HECW2: variants seen among roughly 807,000 people sequenced by gnomAD.
HECW2 encodes the protein HECT, C2 and WW domain containing E3 ubiquitin protein ligase 2.
Under a neutral mutation model 175.2 loss-of-function variants are expected in HECW2, and 61 were observed. That is an observed-to-expected ratio of 0.35 (90% CI 0.28 to 0.43). The LOEUF (loss-of-function observed/expected upper bound fraction) is 0.43, where lower values mean the gene tolerates loss of function less well. Among genes scored for constraint, HECW2 ranks in the 20% least tolerant of loss-of-function variants. The pLI is 1.00. For synonymous variants in HECW2, 671 were observed against 731.0 expected, an observed-to-expected ratio of 0.92 and a Z score of 1.32; for missense variants, 1,524 against 2,000.5, an observed-to-expected ratio of 0.76 and a Z score of 4.54.
At chr2:196,340,239 GA>G (rs1692697984) in intron 3 of HECW2, among the ~76,000 whole-genome samples, 1 of 152,118 alleles carries the variant, frequency 6.6e-6, no homozygotes, top group Non-Finnish European at 1.5e-5. Context: ...ATCAGCTCCA[GA>G]GATTCAACCA....
At chr2:196,431,060 T>C (rs538160268) in intron 2 of HECW2, among the ~76,000 whole-genome samples, 1 of 152,102 alleles carries the variant, frequency 6.6e-6, no homozygotes, top group Non-Finnish European at 1.5e-5. Context: ...AAAAGACATG[T>C]AACATACAGG....
chr2:196,537,003 A>C (rs1430777181), intron 1 of HECW2, among the ~76,000 whole-genome samples: 1 of 152,212 alleles, frequency 6.6e-6, no homozygotes, highest in Admixed American at 6.5e-5. Flanking sequence ...ATTAGTAAAA[A>C]GAAAGCAGGG....
intron 4 of HECW2, 69 bp from the exon 5 acceptor site, chr2:196,329,719 A>G: frequency 8.0e-7 from 1 of 1,244,478 alleles, no homozygotes. Flanking sequence ...CTAGGAAACC[A>G]TGTATGTTCC....
chr2:196,379,661 G>T lies in HECW2; in HGVS notation c.293-35897C>A, dbSNP rs1284775881. Among the ~76,000 whole-genome samples the T allele has an allele frequency of 6.8e-4, 97 of 143,666 alleles. 1 individual carries two copies. The Admixed American group carries it at 6.9e-3, about 10-fold the overall frequency. The allele number at this position is 143,666 out of a possible 152,430, so 94.3% of individuals were successfully genotyped here. ...GATCACACCACTGCACTCCAGCCTG[G>T]GCGACAGAGCAATACTCCGTCTCAA... On this transcript the variant is annotated intron_variant, in intron 2 of 28. Coordinates refer to ENST00000644978, the MANE Select transcript of HECW2 (RefSeq NM_001348768.2).
chr2:196,260,475 G>T (rs1689245241), intron 17 of HECW2: 1 of 152,214 alleles, frequency 6.6e-6, no homozygotes, highest in Non-Finnish European at 1.5e-5. Flanking sequence ...AATCCAATGG[G>T]GAGTAAGAGA....
At chr2:196,422,144 A>G (rs906939882) in intron 2 of HECW2, among the ~76,000 whole-genome samples, 7 of 152,156 alleles carry the variant, frequency 4.6e-5, no homozygotes, top group Non-Finnish European at 1.0e-4. Flanking sequence ...CCAAAGTATG[A>G]GACTTTCTAA....
chr2:196,587,959 G>C (rs1334010499), intron 1 of HECW2, among the ~76,000 whole-genome samples: 1 of 151,998 alleles, frequency 6.6e-6, no homozygotes, highest in Non-Finnish European at 1.5e-5. Flanking sequence ...TCTTTTCTCA[G>C]GGCCTTTGCA....
intron 18 of HECW2, 150 bp from the exon 19 acceptor site, chr2:196,254,179 C>A: frequency 5.4e-6 from 7 of 1,305,790 alleles, no homozygotes; most frequent in African/African-American, 1.5e-5. Context: ...ATTCTTGGTA[C>A]AAAATGGCTG....
chr2:196,418,517 A>G (rs1328393577), intron 2 of HECW2, among the ~76,000 whole-genome samples: 1 of 152,206 alleles, frequency 6.6e-6, no homozygotes, highest in Non-Finnish European at 1.5e-5. Context: ...ATACTGGTAC[A>G]TATTTCAGAG....
At chr2:196,240,885 C>T (rs1456304941) in intron 20 of HECW2, among the ~76,000 whole-genome samples, 1 of 151,972 alleles carries the variant, frequency 6.6e-6, no homozygotes, top group Non-Finnish European at 1.5e-5. Flanking sequence ...ACACACACCG[C>T]CCCCCGCCCA....
chr2:196,272,074 A>C (rs897793153), intron 16 of HECW2, among the ~76,000 whole-genome samples: 4 of 152,206 alleles, frequency 2.6e-5, no homozygotes, highest in African/African-American at 9.6e-5. Context: ...CCATCTTCTG[A>C]TTGATTAGCA....
At chr2:196,262,725 C>T (rs1184538204) in intron 17 of HECW2, among the ~76,000 whole-genome samples, 4 of 152,082 alleles carry the variant, frequency 2.6e-5, no homozygotes, top group Non-Finnish European at 5.9e-5. Context: ...GCCACCATGT[C>T]TGGCTAATTT....
At chr2:196,542,892 A>G (rs1329168121) in intron 1 of HECW2, among the ~76,000 whole-genome samples, 1 of 148,410 alleles carries the variant, frequency 6.7e-6, no homozygotes, top group Admixed American at 6.8e-5. Flanking sequence ...ATATATAGGT[A>G]TATCTAATAT....
chr2:196,520,523 A>G (rs1688324327), intron 1 of HECW2, among the ~76,000 whole-genome samples: 1 of 152,220 alleles, frequency 6.6e-6, no homozygotes, highest in Admixed American at 6.5e-5. Flanking sequence ...GACAGGTTGC[A>G]TATTTGTTTT....
At chr2:196,316,185 G>C (rs1465664136) in intron 10 of HECW2, 1 of 152,096 alleles carries the variant, frequency 6.6e-6, no homozygotes, top group Non-Finnish European at 1.5e-5. Flanking sequence ...TGTTTGTTAT[G>C]AGTCACGGCC....
chr2:196,376,582 C>T (rs1402208653), intron 2 of HECW2, among the ~76,000 whole-genome samples: 8 of 144,868 alleles, frequency 5.5e-5, no homozygotes, highest in African/African-American at 2.0e-4. Context: ...AGTGAGCCAA[C>T]ATCACGTCAC....
chr2:196,273,945 G>C, intron 16 of HECW2, 76 bp downstream of exon 16: 1 of 1,011,490 alleles, frequency 9.9e-7, no homozygotes, highest in Non-Finnish European at 1.5e-6. Context: ...TAACAACAGG[G>C]GAAGTATCAG....
chr2:196,402,511 TC>T (rs1481486865), intron 2 of HECW2, among the ~76,000 whole-genome samples: 1 of 152,140 alleles, frequency 6.6e-6, no homozygotes, highest in East Asian at 1.9e-4. Context: ...ACTGATTCAG[TC>T]CCCCTGACAG....
intron 2 of HECW2, among the ~76,000 whole-genome samples, chr2:196,350,999 C>T (rs931735948): frequency 7.9e-5 from 12 of 152,272 alleles, no homozygotes; most frequent in African/African-American, 2.9e-4. Context: ...TTACCTTCCA[C>T]AGTTCACATT....
Sources: allele counts gnomAD v4.1 joint callset (sites outside exome capture counted in the v4.1 genomes callset), GRCh38; gene constraint gnomAD v4.1.1; transcripts MANE v1.5; gene names NCBI Gene and HGNC (gene_info 2026-07-23, HGNC 2026-07-21).